Variants in TENM2 observed in about 807,000 individuals in gnomAD.
The protein encoded by TENM2 is teneurin transmembrane protein 2, also known as teneurin-2.
TENM2 carries 52 observed loss-of-function variants against 245.2 expected under a neutral mutation model. The observed-to-expected ratio is 0.21, with a 90% CI of 0.17 to 0.27. TENM2 has a LOEUF of 0.27. Among genes scored for constraint, TENM2 ranks in the 10% least tolerant of loss-of-function variants. The probability of loss-of-function intolerance (pLI) is 1.00; values close to 1 mark genes in which losing one functional copy is unlikely to be tolerated. For missense variants in TENM2, 3,046 were observed against 3,666.8 expected, an observed-to-expected ratio of 0.83 and a Z score of 4.37; for synonymous variants, 1,363 against 1,438.9, an observed-to-expected ratio of 0.95 and a Z score of 1.19.
At chr5:167,348,247 G>A (rs191616616) in intron 1 of TENM2, among the ~76,000 whole-genome samples, 1 of 152,282 alleles carries the variant, frequency 6.6e-6, no homozygotes, top group East Asian at 1.9e-4. Flanking sequence ...AGCTCTGTTT[G>A]GGAATCCCCC....
At chr5:167,374,287 G>A (rs756449873) in intron 1 of TENM2, among the ~76,000 whole-genome samples, 1 of 152,148 alleles carries the variant, frequency 6.6e-6, no homozygotes, top group Non-Finnish European at 1.5e-5. Context: ...AACATGCTGT[G>A]CATGTTTGTA....
intron 5 of TENM2, among the ~76,000 whole-genome samples, chr5:167,996,745 T>G (rs949854467): frequency 6.6e-6 from 1 of 152,078 alleles, no homozygotes; most frequent in Admixed American, 6.6e-5. Context: ...GTTTGTTTGT[T>G]TTTGAGACAG....
chr5:167,504,391 A>G (rs1000537677), intron 2 of TENM2, among the ~76,000 whole-genome samples: 4 of 152,200 alleles, frequency 2.6e-5, no homozygotes, highest in African/African-American at 9.6e-5. Flanking sequence ...CTTTTACTTT[A>G]GTATAAAACT....
the TENM2 span, among the ~76,000 whole-genome samples, chr5:167,261,477 C>T: frequency 3.2e-4 from 49 of 152,206 alleles, no homozygotes; most frequent in African/African-American, 1.2e-3. Context: ...ATGGTAGATT[C>T]GTTATACTGT....
At chr5:167,239,361 A>G in the TENM2 span, among the ~76,000 whole-genome samples, 4 of 152,190 alleles carry the variant, frequency 2.6e-5, no homozygotes, top group African/African-American at 7.2e-5. Flanking sequence ...ATGTTTATAC[A>G]TTCTTCATTT....
chr5:168,055,284 T>C (rs1789439117), intron 6 of TENM2, among the ~76,000 whole-genome samples: 1 of 152,204 alleles, frequency 6.6e-6, no homozygotes, highest in African/African-American at 2.4e-5. Context: ...TTGATAAATA[T>C]TTATTGCATG....
chr5:167,283,415 G>C (rs146514030), upstream of TENM2, among the ~76,000 whole-genome samples: 1 of 152,136 alleles, frequency 6.6e-6, no homozygotes, highest in African/African-American at 2.4e-5. Flanking sequence ...CAGTGTACAC[G>C]TAGTATAGAT....
chr5:168,101,397 T>C (rs992934372), intron 9 of TENM2, among the ~76,000 whole-genome samples: 1 of 152,206 alleles, frequency 6.6e-6, no homozygotes, highest in Non-Finnish European at 1.5e-5. Flanking sequence ...ATCCAGTGAC[T>C]GGCCTTTTAA....
At chr5:168,114,738 A>G (rs1040184048) in intron 9 of TENM2, among the ~76,000 whole-genome samples, 3 of 152,340 alleles carry the variant, frequency 2.0e-5, no homozygotes, top group Non-Finnish European at 4.4e-5. Context: ...CCTGCTTTCC[A>G]GTGAACATCA....
intron 2 of TENM2, among the ~76,000 whole-genome samples, chr5:167,553,208 C>G (rs1773069773): frequency 6.6e-6 from 1 of 152,144 alleles, no homozygotes; most frequent in Admixed American, 6.5e-5. Context: ...GCAGGGAAGA[C>G]CATTCCGGAC....
chr5:167,416,131 G>T (rs976230117), intron 2 of TENM2, among the ~76,000 whole-genome samples: 1 of 152,164 alleles, frequency 6.6e-6, no homozygotes, highest in Non-Finnish European at 1.5e-5. Context: ...GCTTAGCAGC[G>T]ATTCAGGAAG....
At chr5:167,147,435 T>G in the TENM2 span, among the ~76,000 whole-genome samples, 2 of 152,154 alleles carry the variant, frequency 1.3e-5, no homozygotes, top group Non-Finnish European at 2.9e-5. Context: ...GGCATAAACA[T>G]GCTGAATGTC....
intron 5 of TENM2, among the ~76,000 whole-genome samples, chr5:168,013,603 CAACAA>C (rs10632619): frequency 0.067 from 10,041 of 149,882 alleles, 413 homozygotes; most frequent in East Asian, 0.14. Context: ...GACTCTGTCT[CAACAA>C]AACAAAACAA....
chr5:167,683,858 G>A (rs1424289278), intron 2 of TENM2, among the ~76,000 whole-genome samples: 1 of 152,218 alleles, frequency 6.6e-6, no homozygotes, highest in East Asian at 1.9e-4. Flanking sequence ...TATGATGACT[G>A]TAATGTAATT....
chr5:167,807,240 G>C (rs991901618), intron 2 of TENM2, among the ~76,000 whole-genome samples: 9 of 150,020 alleles, frequency 6.0e-5, no homozygotes, highest in East Asian at 2.0e-4. Flanking sequence ...AGACTTTTTT[G>C]GGGGGTAAGG....
the TENM2 span, among the ~76,000 whole-genome samples, chr5:167,196,964 C>G: frequency 6.6e-6 from 1 of 151,756 alleles, no homozygotes; most frequent in Admixed American, 6.6e-5. Flanking sequence ...CACCCATACT[C>G]CTGTTATGTC....
chr5:167,224,123 T>C, the TENM2 span, among the ~76,000 whole-genome samples: 1 of 152,154 alleles, frequency 6.6e-6, no homozygotes, highest in Admixed American at 6.5e-5. Flanking sequence ...CACAAATTTT[T>C]TCTCCTTTTC....
the TENM2 span, among the ~76,000 whole-genome samples, chr5:166,998,014 G>T: frequency 6.6e-6 from 1 of 152,026 alleles, no homozygotes; most frequent in Non-Finnish European, 1.5e-5. Flanking sequence ...ACATCTATGT[G>T]CATGCCTGCA....
intron 4 of TENM2, among the ~76,000 whole-genome samples, chr5:167,968,632 A>C (rs947289042): frequency 3.3e-5 from 5 of 152,198 alleles, no homozygotes; most frequent in African/African-American, 1.2e-4. Context: ...CCCGCCCTAA[A>C]GGGAAGGTGG....
Sources: gnomAD v4.1 joint callset for allele counts (sites outside exome capture counted in the v4.1 genomes callset) on GRCh38, gnomAD v4.1.1 for gene constraint, MANE v1.5 for transcripts, NCBI Gene and HGNC (gene_info 2026-07-23, HGNC 2026-07-21) for gene names.